Variants in FAM53A observed in about 807,000 individuals in gnomAD.
FAM53A encodes protein FAM53A.
FAM53A carries 28 observed loss-of-function variants against 26.6 expected under a neutral mutation model. The ratio of observed to expected loss-of-function variants is 1.05; its 90% confidence interval spans 0.78 to 1.45. The LOEUF (loss-of-function observed/expected upper bound fraction) is 1.45, where lower values mean the gene tolerates loss of function less well. FAM53A is among the 40% of genes most tolerant of loss of function. The pLI is 0.00. For synonymous variants in FAM53A, 290 were observed against 253.1 expected (o/e 1.15, Z -1.38); for missense variants, 650 against 575.8 (o/e 1.13, Z -1.32).
the FAM53A span, among the ~76,000 whole-genome samples, chr4:1,603,278 C>T: frequency 2.2e-3 from 328 of 152,264 alleles, 1 homozygote; most frequent in Middle Eastern, 6.8e-3. Flanking sequence ...AGCCAAGCAT[C>T]GTCACCCACG....
At chr4:1,626,862 C>T (rs1343065091) in intron 1 of FAM53A, among the ~76,000 whole-genome samples, 1 of 152,192 alleles carries the variant, frequency 6.6e-6, no homozygotes, top group Non-Finnish European at 1.5e-5. Context: ...GATTGAGCCC[C>T]TGGCCAGGGC....
chr4:1,596,136 G>T, the FAM53A span, among the ~76,000 whole-genome samples: 1 of 152,174 alleles, frequency 6.6e-6, no homozygotes, highest in Non-Finnish European at 1.5e-5. Context: ...TTGGCTCCAA[G>T]GCCACTACCA....
chr4:1,612,352 C>T, the FAM53A span, among the ~76,000 whole-genome samples: 2 of 152,338 alleles, frequency 1.3e-5, no homozygotes, highest in Non-Finnish European at 1.5e-5. Flanking sequence ...CACGGTGCTG[C>T]CAGTGAAGGT....
chr4:1,669,897 G>A (rs987303867), intron 1 of FAM53A, among the ~76,000 whole-genome samples: 1 of 152,228 alleles, frequency 6.6e-6, no homozygotes, highest in Non-Finnish European at 1.5e-5. Context: ...CAGGGTGTGC[G>A]TCCTCAGCTG....
the FAM53A span, among the ~76,000 whole-genome samples, chr4:1,607,913 C>G: frequency 4.0e-5 from 6 of 149,654 alleles, no homozygotes; most frequent in Non-Finnish European, 8.9e-5. Flanking sequence ...GCACTCCAAC[C>G]TGGGCAAAAA....
chr4:1,578,145 C>G, the FAM53A span, among the ~76,000 whole-genome samples: 1 of 152,170 alleles, frequency 6.6e-6, no homozygotes, highest in Non-Finnish European at 1.5e-5. Context: ...CCAGGCCCCC[C>G]CCAAGCCTGG....
chr4:1,606,435 C>T, the FAM53A span, among the ~76,000 whole-genome samples: 50 of 152,186 alleles, frequency 3.3e-4, 1 homozygote, highest in East Asian at 9.1e-3. Context: ...GGGCTCCTCG[C>T]GGGACTGCTA....
chr4:1,643,568 T>C (rs1012615246), intron 4 of FAM53A, among the ~76,000 whole-genome samples: 3 of 63,932 alleles, frequency 4.7e-5, no homozygotes, highest in Non-Finnish European at 1.1e-4. Flanking sequence ...TAAAGAATAA[T>C]TTTTTTTTTT....
Position 1,633,130 on chromosome 4 carries a change from G to A in FAM53A, c.432-15019C>T, listed in dbSNP as rs192645306. 9.3e-3 allele frequency among the ~76,000 whole-genome samples: 1,409 copies of A among 151,182 alleles called. 16 individuals are homozygous for A. The highest frequency in any genetic ancestry group is 0.033 in the African/African-American group (1,351 of 41,458). On this transcript the variant is annotated intron_variant, in intron 1 of 1. Coordinates refer to the FAM53A transcript ENST00000489029. ...CATGCTCACAAACATAGGTACTCAT[G>A]CTCACACACATAGGTACACGTGCTC... is the stretch of plus-strand genomic sequence containing the variant.
At chr4:1,675,608 G>A (rs866109287) in intron 1 of FAM53A, among the ~76,000 whole-genome samples, 3 of 152,136 alleles carry the variant, frequency 2.0e-5, no homozygotes, top group Admixed American at 6.5e-5. Flanking sequence ...CCTGCCTCTC[G>A]TTCCACCTCT....
chr4:1,675,804 C>G (rs1257376600), intron 1 of FAM53A, among the ~76,000 whole-genome samples: 2 of 152,224 alleles, frequency 1.3e-5, no homozygotes, highest in Non-Finnish European at 2.9e-5. Context: ...TCCAACTCCC[C>G]CATCTTCTCC....
At chr4:1,582,092 G>C in the FAM53A span, among the ~76,000 whole-genome samples, 1 of 152,188 alleles carries the variant, frequency 6.6e-6, no homozygotes, top group African/African-American at 2.4e-5. Flanking sequence ...AGAGCTCCTT[G>C]ACTACTTGAA....
downstream of FAM53A, among the ~76,000 whole-genome samples, chr4:1,636,380 T>C (rs1215131654): frequency 1.3e-5 from 2 of 152,230 alleles, no homozygotes; most frequent in Non-Finnish European, 2.9e-5. Context: ...TTACGAGACC[T>C]CTGCCTAGGA....
the FAM53A span, among the ~76,000 whole-genome samples, chr4:1,610,375 G>T: frequency 6.6e-6 from 1 of 152,202 alleles, no homozygotes; most frequent in Non-Finnish European, 1.5e-5. Context: ...GAGCCCAAGG[G>T]GCAGACGGGC....
At chr4:1,657,319 G>T in intron 3 of FAM53A, 89 bp downstream of exon 3, 1 of 1,223,566 alleles carries the variant, frequency 8.2e-7, no homozygotes, top group South Asian at 1.3e-5. Flanking sequence ...TGCAGATCCG[G>T]CTCATGTTCT....
chr4:1,598,680 C>T, the FAM53A span, among the ~76,000 whole-genome samples: 5 of 152,182 alleles, frequency 3.3e-5, no homozygotes, highest in East Asian at 1.9e-4. Context: ...ATATATGTTA[C>T]GAGAAGTGTA....
chr4:1,619,387 GGC>G (rs1711665390), intron 1 of FAM53A, among the ~76,000 whole-genome samples: 3 of 152,214 alleles, frequency 2.0e-5, no homozygotes, highest in African/African-American at 7.2e-5. Flanking sequence ...GCCAGCTGGT[GGC>G]GCGCATGGAG....
At chr4:1,642,877 G>A (rs1294413025) in intron 4 of FAM53A, among the ~76,000 whole-genome samples, 2 of 152,338 alleles carry the variant, frequency 1.3e-5, no homozygotes, top group African/African-American at 4.8e-5. Context: ...AGGCTTGTGA[G>A]GGCACGTGGG....
chr4:1,658,976 C>T lies in FAM53A; in HGVS notation c.76-1508G>A, dbSNP rs17131993. ...CCACACCTCAGAACCTCTCAGTTAA[C>T]GCCTAAGCCCATGGCATCACGTCCT... On this transcript the variant is annotated intron_variant, in intron 2 of 4. Coordinates refer to ENST00000308132, the MANE Select transcript of FAM53A (RefSeq NM_001174070.3). 1.2e-3 allele frequency among the ~76,000 whole-genome samples: 186 copies of T among 152,360 alleles called. 5 individuals are homozygous for T. The East Asian group carries it at 0.034, about 28-fold the overall frequency.
Sources: allele counts gnomAD v4.1 joint callset (sites outside exome capture counted in the v4.1 genomes callset), GRCh38; gene constraint gnomAD v4.1.1; transcripts MANE v1.5; gene names NCBI Gene and HGNC (gene_info 2026-07-23, HGNC 2026-07-21).